Variants in KCNC4 observed in about 807,000 individuals in gnomAD.
KCNC4 encodes voltage-gated potassium channel KCNC4.
KCNC4 carries 23 observed loss-of-function variants against 42.8 expected under a neutral mutation model. The observed-to-expected ratio is 0.54, with a 90% CI of 0.39 to 0.76. The LOEUF is 0.76. KCNC4 is among the 30% of genes least tolerant of loss of function. The probability of loss-of-function intolerance (pLI) is 0.00; values close to 1 mark genes in which losing one functional copy is unlikely to be tolerated. For synonymous variants in KCNC4, 422 were observed against 393.5 expected (o/e 1.07, Z -0.86); for missense variants, 751 against 898.2 (o/e 0.84, Z 2.10).
At chr1:110,236,801 AGGTGTTTAAAG>A (rs1207435830), downstream of KCNC4, 4 of 152,300 alleles carry the variant, frequency 2.6e-5, no homozygotes, top group African/African-American at 7.2e-5. Context: ...CCCAACTACC[AGGTGTTTAAAG>A]GGTACCTGTG....
chr1:110,240,565 C>T (rs1050148522), exon 4 of KCNC4: 6 of 152,362 alleles, frequency 3.9e-5, no homozygotes, highest in African/African-American at 1.4e-4. Flanking sequence ...AGGCTTGGCT[C>T]AGAGACAGGT....
Position 110,222,969 on chromosome 1 carries a change from G to A in KCNC4, c.684G>A (p.Val228=), listed in dbSNP as rs769842379. 8 of 1,612,436 alleles carry A rather than the reference G, an allele frequency of 5.0e-6. No individual in the cohort carries two copies. The Admixed American group carries it at 5.0e-5, about 10-fold the overall frequency. Residue 228 remains valine, a synonymous_variant, in exon 2 of 4, where the codon GTG becomes GTA. Transcript: ENST00000438661. ...DPYSSRAARV[V]AFASLFFILV... is the part of the protein sequence containing the mutation. ...CTCTCCTCCCCTGCCCATAGGTAGT[G>A]GCCTTTGCCTCTCTCTTCTTCATCC...
chr1:110,229,620 T>C (rs1209581609), intron 3 of KCNC4, among the ~76,000 whole-genome samples: 1 of 152,172 alleles, frequency 6.6e-6, no homozygotes, highest in African/African-American at 2.4e-5. Flanking sequence ...AACCGGAGAC[T>C]CATCTAATTT....
At chr1:110,251,986 G>A (rs941733116), downstream of KCNC4, among the ~76,000 whole-genome samples, 33 of 152,172 alleles carry the variant, frequency 2.2e-4, no homozygotes, top group African/African-American at 7.5e-4. Context: ...AGCCCATGAT[G>A]GTGAGCGCTC....
chr1:110,222,082 C>T (rs1658130581), intron 1 of KCNC4: 1 of 152,208 alleles, frequency 6.6e-6, no homozygotes, highest in African/African-American at 2.4e-5. Flanking sequence ...TTCTTTGGAG[C>T]TCAGAGTTCC....
At chr1:110,267,780 A>G (rs1659567094) in intron 1 of KCNC4, among the ~76,000 whole-genome samples, 1 of 152,190 alleles carries the variant, frequency 6.6e-6, no homozygotes, top group Non-Finnish European at 1.5e-5. Flanking sequence ...CTAACCTCAC[A>G]GGCTAAATTG....
intron 2 of KCNC4, chr1:110,224,249 A>C: frequency 4.0e-6 from 1 of 248,168 alleles, no homozygotes; most frequent in Non-Finnish European, 7.8e-6. Flanking sequence ...CACCTGTAAA[A>C]TGGGAATAAT....
In KCNC4 at chr1:110,232,926, C is replaced by T; in HGVS notation, c.1835C>T (p.Ala612Val). 6.2e-7 allele frequency: 1 copy of T among 1,612,096 alleles called. No individual in the cohort carries two copies. The highest frequency in any genetic ancestry group is 8.5e-7 in the Non-Finnish European group (1 of 1,179,168). ...GSVRKETCQD[A>V]LSSNYAQAEV... ...TTAAACACAGAGACCTGCCAAGACG[C>T]CCTCTCGTCCAACTATGCCCAGGCT... Residue 612 changes from alanine (A) to valine (V), a missense_variant, in exon 4 of 4, where the codon GCC (alanine) becomes GTC (valine). Coordinates refer to ENST00000438661, the MANE Select transcript of KCNC4 (RefSeq NM_001039574.3).
exon 4 of KCNC4, chr1:110,242,513 C>T (rs1209528066): frequency 2.0e-5 from 3 of 152,258 alleles, no homozygotes; most frequent in African/African-American, 4.8e-5. Context: ...GGGAATTAAG[C>T]TTCCCCTGCC....
chr1:110,226,327 C>T (rs560270791), intron 3 of KCNC4, 149 bp downstream of exon 3: 9 of 679,040 alleles, frequency 1.3e-5, no homozygotes, highest in Admixed American at 1.1e-4. Context: ...AGAATGGGTA[C>T]CTGATCTCCC....
Position 110,233,237 on chromosome 1 carries a change from T to G in KCNC4, c.*265T>G. On this transcript the variant is annotated 3_prime_UTR_variant, in exon 4 of 4. Transcript: ENST00000438661. ...ATACTCTTGTGTGTAGTGCACGTGC[T>G]ATTGGTGGTTTGTCTTCTTTGTTAG... is the stretch of plus-strand genomic sequence containing the variant. The G allele has an allele frequency of 5.3e-6, 3 of 561,120 alleles. No individual in the cohort carries two copies. The highest frequency in any genetic ancestry group is 9.5e-6 in the Non-Finnish European group (3 of 315,954). The allele number at this position is 561,120 out of a possible 1,614,324, so 34.8% of individuals were successfully genotyped here. A position where few individuals can be genotyped will look rare whatever the true frequency, so the allele number is the denominator to read the frequency against.
chr1:110,226,058 ACCC>A lies in KCNC4; in HGVS notation c.1702_1704del (p.Pro568del). 1 of 1,613,440 alleles carries A rather than the reference ACCC, an allele frequency of 6.2e-7. No homozygotes were observed. The highest frequency in any genetic ancestry group is 8.5e-7 in the Non-Finnish European group (1 of 1,179,776). ...CACCCAACCCCTGGCCTCCTCCCCG[ACCC>A]CCGAGGAGCGCCGGGCCCTGCGACG... On this transcript the variant is annotated inframe_deletion, in exon 3 of 4. Transcript: ENST00000438661.
intron 1 of KCNC4, among the ~76,000 whole-genome samples, chr1:110,280,552 G>A (rs1465724430): frequency 2.0e-5 from 3 of 152,102 alleles, no homozygotes; most frequent in Non-Finnish European, 4.4e-5. Flanking sequence ...CAGAGGCCCA[G>A]GTGAGTCTAG....
chr1:110,266,027 T>G (rs1659535084), intron 1 of KCNC4, among the ~76,000 whole-genome samples: 1 of 152,050 alleles, frequency 6.6e-6, no homozygotes, highest in Non-Finnish European at 1.5e-5. Context: ...AGGGACAGGG[T>G]GGGGACTGCC....
chr1:110,228,166 G>C (rs1022294902), intron 3 of KCNC4, among the ~76,000 whole-genome samples: 3 of 152,230 alleles, frequency 2.0e-5, no homozygotes, highest in African/African-American at 7.2e-5. Flanking sequence ...CCAGGAGTGA[G>C]TGGGTCTGGG....
At chr1:110,236,696 C>G (rs1313710003), downstream of KCNC4, 1 of 152,162 alleles carries the variant, frequency 6.6e-6, no homozygotes, top group African/African-American at 2.4e-5. Flanking sequence ...GTTTTATTCT[C>G]TGACGCACAG....
chr1:110,250,617 A>G (rs1659234566), downstream of KCNC4, among the ~76,000 whole-genome samples: 1 of 152,164 alleles, frequency 6.6e-6, no homozygotes, highest in Admixed American at 6.5e-5. Context: ...AGGAAAAGCA[A>G]ATTGCCAAGG....
intron 2 of KCNC4, 193 bp downstream of exon 2, chr1:110,224,093 G>A (rs1371318560): frequency 3.2e-5 from 19 of 588,216 alleles, no homozygotes; most frequent in Admixed American, 9.2e-5. Context: ...ATAGCTTCCC[G>A]AACATCAGAT....
At chr1:110,219,672 T>C (rs1657986234) in intron 1 of KCNC4, 1 of 152,180 alleles carries the variant, frequency 6.6e-6, no homozygotes, top group Non-Finnish European at 1.5e-5. Flanking sequence ...TGCAACCACC[T>C]CTTCTTCCCT....
Sources: allele counts gnomAD v4.1 joint callset (sites outside exome capture counted in the v4.1 genomes callset), GRCh38; gene constraint gnomAD v4.1.1; transcripts MANE v1.5; gene names NCBI Gene and HGNC (gene_info 2026-07-23, HGNC 2026-07-21).